CASZ1: variants seen among roughly 807,000 people sequenced by gnomAD.
CASZ1 encodes the protein zinc finger protein castor homolog 1.
Under a neutral mutation model 135.2 loss-of-function variants are expected in CASZ1, and 28 were observed. The observed-to-expected ratio is 0.21, with a 90% CI of 0.15 to 0.28. CASZ1 has a LOEUF of 0.28. Among genes scored for constraint, CASZ1 ranks in the 10% least tolerant of loss-of-function variants. The pLI is 1.00. For synonymous variants in CASZ1, 1,068 were observed against 1,073.4 expected, an observed-to-expected ratio of 0.99 and a Z score of 0.10; for missense variants, 2,161 against 2,453.3, an observed-to-expected ratio of 0.88 and a Z score of 2.52.
chr1:10,693,774 C>A, intron 4 of CASZ1, 100 bp downstream of exon 4: 1 of 1,030,582 alleles, frequency 9.7e-7, no homozygotes, highest in Non-Finnish European at 1.5e-6. Flanking sequence ...CGGCCCCCAC[C>A]CGGCCCCGCC....
In CASZ1 at chr1:10,660,700, CTTAAA is replaced by C. The variant is rs568458940; in HGVS notation, c.506-169_506-165del. On this transcript the variant is annotated intron_variant, in intron 5 of 20. Coordinates refer to ENST00000377022, the MANE Select transcript of CASZ1 (RefSeq NM_001079843.3). The stretch of plus-strand genomic sequence containing the variant: ...GGCTCACTTGTTAGGTTTTACGACT[CTTAAA>C]TTAATTTGTTTTAAAAAAAAGTAAT... 901 of 575,678 alleles carry C rather than the reference CTTAAA, an allele frequency of 1.6e-3. 1 individual carries two copies. The highest frequency in any genetic ancestry group is 2.3e-3 in the Non-Finnish European group (753 of 327,740). The allele number at this position is 575,678 out of a possible 1,614,324, so 35.7% of individuals were successfully genotyped here.
In CASZ1 at chr1:10,726,982, G is replaced by T. The variant is rs958252779; in HGVS notation, c.-76-21438C>A. 6.6e-6 allele frequency among the ~76,000 whole-genome samples: 1 copy of T among 152,220 alleles called. No homozygotes were observed. Among genetic ancestry groups the T allele is most frequent in the Non-Finnish European group, 1.5e-5 (1 of 68,032 alleles). On this transcript the variant is annotated intron_variant, in intron 2 of 20. Coordinates refer to ENST00000377022, the MANE Select transcript of CASZ1 (RefSeq NM_001079843.3). The surrounding 1 kb of genome is among the most constrained non-coding windows in gnomAD (Gnocchi z 5.7). ...GTTTCTCTATCACGAAAGCCAGGAC[G>T]GAGGGGAGGGAGACCGGGAGAGGTG...
chr1:10,729,247 C>T (rs1286151883), intron 2 of CASZ1, among the ~76,000 whole-genome samples: 2 of 152,016 alleles, frequency 1.3e-5, no homozygotes, highest in South Asian at 2.1e-4. Context: ...CCTGCGCTGG[C>T]GCTAATGGGA....
rs922904876 is a variant in CASZ1, at chr1:10,653,439, A to G, written c.2618T>C (p.Ile873Thr). 1 of 1,613,358 alleles carries G rather than the reference A, an allele frequency of 6.2e-7. No homozygotes were observed. The highest frequency in any genetic ancestry group is 2.2e-5 in the East Asian group (1 of 44,872). Residue 873 changes from isoleucine to threonine, a missense_variant, in exon 11 of 21, where the codon ATC becomes ACC. Ile to Thr is a moderately conservative substitution (Grantham distance 89). Around this residue, in one of 7 missense-constraint regions of CASZ1, gnomAD observed 406 missense variants for 387.6 expected, o/e 1.05. Transcript: ENST00000377022. Reference protein sequence around the residue: ...MERISASKGLISPMMARLAAA... With the variant: ...MERISASKGLTSPMMARLAAA... ...AGCCAGCCTGGCCATCATGGGCGAGATGAGGCCCTTGCTTGCAGAGATCCT... is the reference window on the plus strand; with the variant it reads ...AGCCAGCCTGGCCATCATGGGCGAGGTGAGGCCCTTGCTTGCAGAGATCCT...
At chr1:10,715,089 A>G (rs543002023) in intron 2 of CASZ1, among the ~76,000 whole-genome samples, 48 of 152,306 alleles carry the variant, frequency 3.2e-4, no homozygotes, top group Non-Finnish European at 5.7e-4. Context: ...CTAGGTGTCC[A>G]GTTCAGAGTT....
At chr1:10,772,694 C>T (rs205473) in intron 1 of CASZ1, among the ~76,000 whole-genome samples, 10,763 of 152,212 alleles carry the variant, frequency 0.071, 578 homozygotes, top group African/African-American at 0.15. Context: ...AGGTGCATGG[C>T]TCCTCCCTAA....
In CASZ1 at chr1:10,759,098, G is replaced by A. The variant is rs138340782; in HGVS notation, c.-77+1603C>T. On this transcript the variant is annotated intron_variant, in intron 2 of 20. Transcript: ENST00000377022. This position sits in a 1 kb window ranked among gnomAD's most constrained non-coding sequence, Gnocchi z 4.2. ...AGGCAAAGAAGAAAACAAAAAACCC[G>A]TCACTGAGAACAGAGCAGGCAAACA... 1.6e-4 allele frequency among the ~76,000 whole-genome samples: 24 copies of A among 152,290 alleles called. No homozygotes were observed. Among genetic ancestry groups the A allele is most frequent in the Middle Eastern group, 3.4e-3 (1 of 294 alleles).
At chr1:10,754,749 C>T (rs1359081260) in intron 2 of CASZ1, among the ~76,000 whole-genome samples, 1 of 152,192 alleles carries the variant, frequency 6.6e-6, no homozygotes, top group Non-Finnish European at 1.5e-5. Context: ...CTGCCCGGGC[C>T]CAGCTCAGCT....
rs537730958 is a variant in CASZ1, at chr1:10,667,778, C to G, written c.17-2207G>C. Among the ~76,000 whole-genome samples, 11 of 152,274 alleles carry G rather than the reference C, an allele frequency of 7.2e-5. No homozygotes were observed. In the East Asian group the frequency reaches 1.9e-3, roughly 27 times the overall value. The stretch of plus-strand genomic sequence containing the variant: ...GGAAGCAGAAGCTCCCAGGGCCGCA[C>G]TTGCTGCTGGTGACGCCCCCTCCCC... On this transcript the variant is annotated intron_variant, in intron 4 of 20. Transcript: ENST00000377022.
rs2100628461 is a variant in CASZ1 at position 10,788,494 on chromosome 1, C to T, written c.-234+8070G>A. On this transcript the variant is annotated intron_variant, in intron 1 of 20. Transcript: ENST00000377022. The surrounding 1 kb of genome is among the most constrained non-coding windows in gnomAD (Gnocchi z 4.1). ...GCGAAACCCCTCAAAGTATAAGCAA[C>T]ATTTATGCTTACGAGATTTTTTTTA... 6.6e-6 allele frequency among the ~76,000 whole-genome samples: 1 copy of T among 152,294 alleles called. No individual in the cohort carries two copies. Among genetic ancestry groups the T allele is most frequent in the South Asian group, 2.1e-4 (1 of 4,822 alleles).
At chr1:10,745,158 G>A (rs1419597857) in intron 2 of CASZ1, among the ~76,000 whole-genome samples, 1 of 152,086 alleles carries the variant, frequency 6.6e-6, no homozygotes, top group Non-Finnish European at 1.5e-5. Flanking sequence ...TTCACCCTCT[G>A]CCCCAAGGAA....
chr1:10,729,018 G>A (rs1242926695), intron 2 of CASZ1, among the ~76,000 whole-genome samples: 1 of 152,018 alleles, frequency 6.6e-6, no homozygotes, highest in Non-Finnish European at 1.5e-5. Flanking sequence ...CACGGTGCCC[G>A]GACCGAGGGG....
chr1:10,790,847 C>T (rs538755633), intron 1 of CASZ1, among the ~76,000 whole-genome samples: 16 of 151,400 alleles, frequency 1.1e-4, no homozygotes, highest in Non-Finnish European at 1.8e-4. Context: ...TAAGAGGGGG[C>T]GAGCGAGCCC....
chr1:10,733,654 T>A (rs1639743700), intron 2 of CASZ1, among the ~76,000 whole-genome samples: 1 of 152,148 alleles, frequency 6.6e-6, no homozygotes, highest in South Asian at 2.1e-4. Flanking sequence ...CAACTCAGTC[T>A]CCACTAATCC....
At chr1:10,672,132 G>A (rs1410849540) in intron 4 of CASZ1, among the ~76,000 whole-genome samples, 1 of 151,842 alleles carries the variant, frequency 6.6e-6, no homozygotes, top group Non-Finnish European at 1.5e-5. Context: ...CCCGCCCGCC[G>A]CATCTCCCCA....
At chr1:10,645,391 G>A (rs568113828) in intron 17 of CASZ1, among the ~76,000 whole-genome samples, 9 of 152,294 alleles carry the variant, frequency 5.9e-5, no homozygotes, top group African/African-American at 1.7e-4. Flanking sequence ...TTAGCCGGGC[G>A]TGGTGGCGGG....
chr1:10,660,612 C>T, intron 5 of CASZ1, 76 bp from the exon 6 acceptor site: 1 of 1,312,054 alleles, frequency 7.6e-7, no homozygotes, highest in Non-Finnish European at 1.1e-6. Context: ...TGGGGGCCCC[C>T]ACCCATAGAG....
chr1:10,697,043 C>T lies in CASZ1; in HGVS notation c.-23-3131G>A, dbSNP rs183618967. On this transcript the variant is annotated intron_variant, in intron 3 of 20. Transcript: ENST00000377022. The surrounding 1 kb of genome is among the most constrained non-coding windows in gnomAD (Gnocchi z 4.7). ...CTGGAAAGCCTCCACTCTGTCAAGTCCCTGGCCAGGTAGCCACAGGCTGAG... is the reference window on the plus strand; with the variant it reads ...CTGGAAAGCCTCCACTCTGTCAAGTTCCTGGCCAGGTAGCCACAGGCTGAG... 2.9e-4 allele frequency among the ~76,000 whole-genome samples: 44 copies of T among 152,348 alleles called. No individual in the cohort carries two copies. The East Asian group carries it at 7.7e-3, about 27-fold the overall frequency.
At position 10,724,751 on chromosome 1, in the gene CASZ1, G is replaced by A. The variant is rs542506872; in HGVS notation, c.-76-19207C>T. ...GCCAGAGGCAGGGGCAAGGGCCCTG[G>A]GAGGGAGAGGCAAGGCGGGGAAGAG... On this transcript the variant is annotated intron_variant, in intron 2 of 20. Transcript: ENST00000377022. The surrounding 1 kb of genome is among the most constrained non-coding windows in gnomAD (Gnocchi z 4.1). Among the ~76,000 whole-genome samples, 4 of 152,350 alleles carry A rather than the reference G, an allele frequency of 2.6e-5. No homozygotes were observed. The highest frequency in any genetic ancestry group is 7.2e-5 in the African/African-American group (3 of 41,580).
Sources: allele counts gnomAD v4.1 joint callset (sites outside exome capture counted in the v4.1 genomes callset), GRCh38; gene constraint gnomAD v4.1.1; regional missense constraint gnomAD v4.1.1; non-coding constraint Gnocchi (gnomAD v3.1); transcripts MANE v1.5; gene names NCBI Gene and HGNC (gene_info 2026-07-23, HGNC 2026-07-21).